Variants in OR13J1 observed in about 807,000 individuals in gnomAD.
OR13J1 encodes olfactory receptor 13J1.
OR13J1 carries 6 observed loss-of-function variants against 6.4 expected under a neutral mutation model. The ratio of observed to expected loss-of-function variants is 0.93; its 90% CI spans 0.51 to 1.84. OR13J1 has a LOEUF of 1.84. OR13J1 is among the 40% of genes most tolerant of loss of function. The pLI, the probability that OR13J1 is intolerant of heterozygous loss-of-function variation, is 0.01. For missense variants in OR13J1, 382 were observed against 395.6 expected (o/e 0.97, Z 0.29); for synonymous variants, 175 against 182.4 (o/e 0.96, Z 0.33).
In OR13J1 at chr9:35,870,367, A is replaced by G. The variant is rs755153472; in HGVS notation, c.35T>C (p.Phe12Ser). 2 of 1,608,954 alleles carry G rather than the reference A, an allele frequency of 1.2e-6. No homozygotes were observed. Among genetic ancestry groups the G allele is most frequent in the Non-Finnish European group, 1.7e-6 (2 of 1,176,376 alleles). The change falls in exon 1 of 1, where the codon TTC (phenylalanine) becomes TCC (serine). Residue 12 changes from phenylalanine to serine, a missense_variant. Transcript: ENST00000377981. Reference sequence around the variant, plus strand: ...GTAGCCAGAAAATCCTTTCAGAAAGAACTCGGACACCTCTGTTCTGTTGAG... The same window carrying G: ...GTAGCCAGAAAATCCTTTCAGAAAGGACTCGGACACCTCTGTTCTGTTGAG... ...EPLNRTEVSE[F>S]FLKGFSGYPA...
chr9:35,869,604 T>C lies in OR13J1; in HGVS notation c.798A>G (p.Glu266=), dbSNP rs575052919. Residue 266 remains glutamate (E), a synonymous_variant, in exon 1 of 1, where the codon GAA becomes GAG. Transcript: ENST00000377981. ...IFMYLKPKSK[E]AHISDEVFTV... is the part of the protein sequence containing the mutation. ...TGAAGACCTCATCAGAGATGTGGGC[T>C]TCCTTACTCTTGGGCTTCAAGTACA... The C allele has an allele frequency of 1.9e-6, 3 of 1,614,110 alleles. No individual in the cohort carries two copies. The highest frequency in any genetic ancestry group is 2.2e-5 in the South Asian group (2 of 91,082).
rs1225038817 is a variant in OR13J1 at position 35,869,758 on chromosome 9, C to T, written c.644G>A (p.Cys215Tyr). 6.2e-7 allele frequency: 1 copy of T among 1,613,638 alleles called. No homozygotes were observed. The highest frequency in any genetic ancestry group is 1.1e-5 in the South Asian group (1 of 91,082). The change falls in exon 1 of 1, where the codon TGC (cysteine) becomes TAC (tyrosine). Residue 215 changes from cysteine (C) to tyrosine (Y), a missense_variant. Coordinates refer to ENST00000377981, the MANE Select transcript of OR13J1 (RefSeq NM_001004487.1). Reference protein sequence around the residue: ...LLLPVPLAFICLSYLLILATI... With the variant: ...LLLPVPLAFIYLSYLLILATI... ...GGCCAGGATGAGCAAGTAGGACAGG[C>T]AGATGAATGCCAGGGGTACAGGCAG...
In OR13J1 at chr9:35,869,540, T is replaced by C. The variant is rs1023879314; in HGVS notation, c.862A>G (p.Thr288Ala). Residue 288 changes from threonine to alanine, a missense_variant, in exon 1 of 1, where the codon ACC becomes GCC. Coordinates refer to ENST00000377981, the MANE Select transcript of OR13J1 (RefSeq NM_001004487.1). ...TCCTTGTTCCTCAGGCTGTAGATGG[T>C]GGGGTTCAGCATGGTCGTGACCATG... ...YAMVTTMLNP[T>A]IYSLRNKEVK... 1.2e-6 allele frequency: 2 copies of C among 1,613,622 alleles called. No homozygotes were observed. Among genetic ancestry groups the C allele is most frequent in the African/African-American group, 2.7e-5 (2 of 74,774 alleles).
At position 35,869,555 on chromosome 9, in the gene OR13J1, T is replaced by C; in HGVS notation, c.847A>G (p.Thr283Ala). The C allele has an allele frequency of 1.9e-6, 3 of 1,614,134 alleles. No individual in the cohort carries two copies. The highest frequency in any genetic ancestry group is 2.5e-6 in the Non-Finnish European group (3 of 1,180,012). ...VFTVLYAMVTTMLNPTIYSLR... is the reference protein window; with the variant it reads ...VFTVLYAMVTAMLNPTIYSLR... ...CTGTAGATGGTGGGGTTCAGCATGG[T>C]CGTGACCATGGCATAGAGGACTGTG... Residue 283 changes from threonine (T) to alanine (A), a missense_variant, in exon 1 of 1, where the codon ACC becomes GCC. Thr to Ala is a moderately conservative substitution (Grantham distance 58). Transcript: ENST00000377981.
rs368352556 is a variant in OR13J1 at position 35,869,502 on chromosome 9, G to A, written c.900C>T (p.Ala300=). The A allele has an allele frequency of 7.0e-5, 113 of 1,613,874 alleles. No homozygotes were observed. In the Middle Eastern group the frequency reaches 9.9e-4, roughly 14 times the overall value. The change falls in exon 1 of 1, where the codon GCC becomes GCT. Residue 300 remains alanine (A), a synonymous_variant. Coordinates refer to ENST00000377981, the MANE Select transcript of OR13J1 (RefSeq NM_001004487.1). ...YSLRNKEVKE[A]ARKVWGRSRA... The stretch of plus-strand genomic sequence containing the variant: ...GACTCCTGCCCCACACCTTCCTGGC[G>A]GCCTCCTTCACCTCCTTGTTCCTCA...
chr9:35,870,170 C>T lies in OR13J1; in HGVS notation c.232G>A (p.Val78Met). 1 of 1,614,210 alleles carries T rather than the reference C, an allele frequency of 6.2e-7. No homozygotes were observed. The change falls in exon 1 of 1, where the codon GTG (valine) becomes ATG (methionine). Residue 78 changes from valine to methionine, a missense_variant. Val to Met is a conservative substitution (Grantham distance 21). Coordinates refer to ENST00000377981, the MANE Select transcript of OR13J1 (RefSeq NM_001004487.1). ...TLDICYTPTF[V>M]PLMLVHLLSS... ...AGGAGGTGGACCAGCATCAGAGGCA[C>T]AAAGGTGGGCGTGTAGCAGATGTCC... is the stretch of plus-strand genomic sequence containing the variant.
chr9:35,869,786 G>A lies in OR13J1; in HGVS notation c.616C>T (p.Leu206=), dbSNP rs1175646125. 6.2e-7 allele frequency: 1 copy of A among 1,613,988 alleles called. No individual in the cohort carries two copies. Among genetic ancestry groups the A allele is most frequent in the African/African-American group, 1.3e-5 (1 of 75,064 alleles). ...EDFLLAGSIL[L]LPVPLAFICL... The stretch of plus-strand genomic sequence containing the variant: ...ATGAATGCCAGGGGTACAGGCAGCA[G>A]CAGGATGGAGCCCGCCAGCAGGAAG... Residue 206 remains leucine, a synonymous_variant, in exon 1 of 1, where the codon CTG becomes TTG. Coordinates refer to ENST00000377981, the MANE Select transcript of OR13J1 (RefSeq NM_001004487.1).
chr9:35,869,790 G>A lies in OR13J1; in HGVS notation c.612C>T (p.Ile204=). 6.2e-7 allele frequency: 1 copy of A among 1,614,002 alleles called. No homozygotes were observed. The highest frequency in any genetic ancestry group is 8.5e-7 in the Non-Finnish European group (1 of 1,180,028). Residue 204 remains isoleucine (I), a synonymous_variant, in exon 1 of 1, where the codon ATC becomes ATT. Transcript: ENST00000377981. ...VSEDFLLAGS[I]LLLPVPLAFI... ...ATGCCAGGGGTACAGGCAGCAGCAG[G>A]ATGGAGCCCGCCAGCAGGAAGTCTT...
Position 35,869,951 on chromosome 9 carries a change from G to C in OR13J1, c.451C>G (p.Leu151Val), listed in dbSNP as rs751896502. The C allele has an allele frequency of 1.9e-5, 31 of 1,614,134 alleles. No individual in the cohort carries two copies. Among genetic ancestry groups the C allele is most frequent in the Non-Finnish European group, 2.5e-5 (29 of 1,180,050 alleles). Residue 151 changes from leucine to valine, a missense_variant, in exon 1 of 1, where the codon CTC becomes GTC. Leu to Val is a conservative substitution (Grantham distance 32). Coordinates refer to ENST00000377981, the MANE Select transcript of OR13J1 (RefSeq NM_001004487.1). ...CVLLMGAAWV[L>V]CLLKSVTEMV... ...TCAGTCACCGACTTGAGGAGGCAGA[G>C]GACCCAGGCAGCTCCCATCAGCAGC...
In OR13J1 at chr9:35,869,703, C is replaced by A. The variant is rs920454679; in HGVS notation, c.699G>T (p.Arg233Ser). ...AGCAGGTGGAGAAGGCTTTGCAGCA[C>A]CTGGCGGCCGAGGGCACCCTCAGGA... ...ATILRVPSAA[R>S]CCKAFSTCLA... The change falls in exon 1 of 1, where the codon AGG (arginine) becomes AGT (serine). Residue 233 changes from arginine (R) to serine (S), a missense_variant. Arg to Ser is a moderately radical substitution (Grantham distance 110, BLOSUM62 -1). Transcript: ENST00000377981. The A allele has an allele frequency of 6.2e-7, 1 of 1,613,704 alleles. No individual in the cohort carries two copies. Among genetic ancestry groups the A allele is most frequent in the South Asian group, 1.1e-5 (1 of 91,090 alleles).
Sources: allele counts gnomAD v4.1 joint callset, GRCh38; gene constraint gnomAD v4.1.1; transcripts MANE v1.5; gene names NCBI Gene and HGNC (gene_info 2026-07-23, HGNC 2026-07-21).